Variants in FNIP2 observed in about 807,000 individuals in gnomAD.
The protein encoded by FNIP2 is folliculin interacting protein 2, also known as folliculin-interacting protein 2.
FNIP2 carries 32 observed loss-of-function variants against 108.7 expected under a neutral mutation model. That is an observed-to-expected ratio of 0.29 (90% CI 0.22 to 0.40). The LOEUF (loss-of-function observed/expected upper bound fraction) is 0.40, where lower values mean the gene tolerates loss of function less well. FNIP2 is among the 10% of genes least tolerant of loss of function. The pLI is 1.00. For synonymous variants in FNIP2, 480 were observed against 496.7 expected (o/e 0.97, Z 0.45); for missense variants, 1,202 against 1,381.6 (o/e 0.87, Z 2.06).
At chr4:158,814,800 C>G (rs1319812493) in intron 1 of FNIP2, among the ~76,000 whole-genome samples, 1 of 152,180 alleles carries the variant, frequency 6.6e-6, no homozygotes, top group Non-Finnish European at 1.5e-5. Context: ...AAAACTGAAT[C>G]TGAATGCCTG....
At chr4:158,852,815 A>G (rs1779775614) in intron 8 of FNIP2, among the ~76,000 whole-genome samples, 1 of 152,228 alleles carries the variant, frequency 6.6e-6, no homozygotes, top group Admixed American at 6.5e-5. Flanking sequence ...TCCTCTTTCA[A>G]CATTTCTTTT....
intron 16 of FNIP2, 148 bp downstream of exon 16, chr4:158,896,013 A>G (rs2126783996): frequency 1.6e-6 from 1 of 610,234 alleles, no homozygotes; most frequent in African/African-American, 1.8e-5. Context: ...TGCCTCTGCA[A>G]CTCCCCAATG....
intron 8 of FNIP2, among the ~76,000 whole-genome samples, chr4:158,855,667 C>T (rs1236224728): frequency 1.3e-5 from 2 of 152,028 alleles, no homozygotes; most frequent in African/African-American, 2.4e-5. Flanking sequence ...AGGATGGTCT[C>T]GATCTCTTGA....
At chr4:158,892,586 T>C (rs370590195) in intron 15 of FNIP2, among the ~76,000 whole-genome samples, 3 of 151,586 alleles carry the variant, frequency 2.0e-5, no homozygotes, top group African/African-American at 4.8e-5. Context: ...GGGGGAAAGG[T>C]TTCAAAAGAA....
intron 1 of FNIP2, among the ~76,000 whole-genome samples, chr4:158,789,050 A>G (rs1776314063): frequency 6.6e-6 from 1 of 152,222 alleles, no homozygotes; most frequent in African/African-American, 2.4e-5. Flanking sequence ...GCAGTGGTGG[A>G]TGTGTTCTAG....
intron 1 of FNIP2, among the ~76,000 whole-genome samples, chr4:158,818,698 G>T (rs1777710259): frequency 6.6e-6 from 1 of 152,154 alleles, no homozygotes; most frequent in South Asian, 2.1e-4. Flanking sequence ...TAGCCCCAAG[G>T]CTCTCAGTTA....
intron 1 of FNIP2, among the ~76,000 whole-genome samples, chr4:158,776,873 A>T (rs960673624): frequency 6.6e-6 from 1 of 152,208 alleles, no homozygotes; most frequent in Non-Finnish European, 1.5e-5. Context: ...ATCTCTTGAA[A>T]TATTTCTTGA....
intron 12 of FNIP2, among the ~76,000 whole-genome samples, chr4:158,865,818 T>C (rs188962307): frequency 7.9e-5 from 12 of 152,298 alleles, no homozygotes; most frequent in East Asian, 5.8e-4. Context: ...TCTCTTGAAT[T>C]CTAGGCTGAT....
chr4:158,842,705 A>G (rs1779194870), intron 7 of FNIP2, among the ~76,000 whole-genome samples: 1 of 152,160 alleles, frequency 6.6e-6, no homozygotes, highest in Admixed American at 6.5e-5. Context: ...AAACCTTTGT[A>G]TAAATTTTTT....
rs376915062 is a variant in FNIP2 at position 158,829,124 on chromosome 4, G to A, written c.280G>A (p.Gly94Arg). ...PIKISAKCCQ[G>R]SSSVSSSSSS... Reference sequence around the variant, plus strand: ...TAAAATATCAGCCAAGTGCTGCCAGGGAAGCAGCAGTGTCAGCAGCAGTAG... The same window carrying A: ...TAAAATATCAGCCAAGTGCTGCCAGAGAAGCAGCAGTGTCAGCAGCAGTAG... The change falls in exon 3 of 17, where the codon GGA becomes AGA. Residue 94 changes from glycine (G) to arginine (R), a missense_variant. Coordinates refer to ENST00000264433, the MANE Select transcript of FNIP2 (RefSeq NM_020840.3). The A allele has an allele frequency of 8.7e-6, 14 of 1,612,106 alleles. No individual in the cohort carries two copies. The highest frequency in any genetic ancestry group is 1.2e-5 in the Non-Finnish European group (14 of 1,179,010).
At chr4:158,788,533 G>A (rs1226376639) in intron 1 of FNIP2, among the ~76,000 whole-genome samples, 1 of 152,184 alleles carries the variant, frequency 6.6e-6, no homozygotes, top group East Asian at 1.9e-4. Context: ...GTGATTTTAG[G>A]AGAAGGGAGC....
intron 8 of FNIP2, among the ~76,000 whole-genome samples, chr4:158,852,755 CT>C (rs1479039948): frequency 2.0e-5 from 3 of 152,230 alleles, no homozygotes; most frequent in African/African-American, 7.2e-5. Flanking sequence ...ACCATCCTCA[CT>C]GTCATTATGA....
At chr4:158,770,662 T>G (rs1250652912) in intron 1 of FNIP2, among the ~76,000 whole-genome samples, 1 of 152,120 alleles carries the variant, frequency 6.6e-6, no homozygotes, top group East Asian at 1.9e-4. Context: ...ATAATTTGAG[T>G]GGGAATTCTA....
At chr4:158,822,184 T>C (rs1177699752) in intron 1 of FNIP2, among the ~76,000 whole-genome samples, 1 of 148,554 alleles carries the variant, frequency 6.7e-6, no homozygotes, top group Non-Finnish European at 1.5e-5. Context: ...CTTTTTTTTT[T>C]TTTTTTTTTT....
chr4:158,772,724 A>G (rs1373057872), intron 1 of FNIP2, among the ~76,000 whole-genome samples: 3 of 152,230 alleles, frequency 2.0e-5, no homozygotes, highest in African/African-American at 7.2e-5. Context: ...CACTTATCAC[A>G]TAGCATCTGA....
At chr4:158,820,573 A>G (rs1777828447) in intron 1 of FNIP2, among the ~76,000 whole-genome samples, 1 of 152,226 alleles carries the variant, frequency 6.6e-6, no homozygotes. Context: ...TGGAATTGGC[A>G]CACCACAGCT....
At chr4:158,865,410 G>C (rs1168828097) in intron 12 of FNIP2, among the ~76,000 whole-genome samples, 1 of 152,092 alleles carries the variant, frequency 6.6e-6, no homozygotes, top group Non-Finnish European at 1.5e-5. Context: ...ATTTTATGAA[G>C]TTTGGCTATA....
At chr4:158,879,269 G>A (rs1381836993) in intron 14 of FNIP2, among the ~76,000 whole-genome samples, 3 of 150,476 alleles carry the variant, frequency 2.0e-5, no homozygotes, top group Non-Finnish European at 4.4e-5. Context: ...AAGAAGACAT[G>A]GCATCTGTCC....
rs370341465 is a variant in FNIP2 at position 158,869,020 on chromosome 4, T to C, written c.2384T>C (p.Phe795Ser). ...GATGAAGGCGAGTCTGACAAGGGTT[T>C]TGCAGAGGACAGAGGCAGCAGAAAC... ...EGDEGESDKG[F>S]AEDRGSRNDM... Residue 795 changes from phenylalanine (F) to serine (S), a missense_variant, in exon 13 of 17, where the codon TTT (phenylalanine) becomes TCT (serine). Transcript: ENST00000264433. 27 of 1,613,864 alleles carry C rather than the reference T, an allele frequency of 1.7e-5. No homozygotes were observed. Among genetic ancestry groups the C allele is most frequent in the Non-Finnish European group, 2.3e-5 (27 of 1,179,894 alleles).
Sources: allele counts gnomAD v4.1 joint callset (sites outside exome capture counted in the v4.1 genomes callset), GRCh38; gene constraint gnomAD v4.1.1; transcripts MANE v1.5; gene names NCBI Gene and HGNC (gene_info 2026-07-23, HGNC 2026-07-21).